Variants in NTM observed in about 807,000 individuals in gnomAD.
NTM encodes the protein IgLON family member 2.
In NTM, 13 loss-of-function variants were observed where a neutral mutation model predicts 42.1. The observed-to-expected ratio is 0.31, with a 90% CI of 0.20 to 0.49. The LOEUF is 0.49. NTM is among the 20% of genes least tolerant of loss of function. NTM has a pLI of 0.99. For missense variants in NTM, 373 were observed against 452.8 expected, an observed-to-expected ratio of 0.82 and a Z score of 1.60; for synonymous variants, 187 against 179.2, an observed-to-expected ratio of 1.04 and a Z score of -0.35.
chr11:132,133,962 A>T (rs552530114), intron 2 of NTM, among the ~76,000 whole-genome samples: 1 of 152,330 alleles, frequency 6.6e-6, no homozygotes, highest in African/African-American at 2.4e-5. Flanking sequence ...TCATCAGACC[A>T]AACCTTTAAA....
chr11:131,463,425 A>G (rs1951594264), intron 1 of NTM, among the ~76,000 whole-genome samples: 1 of 152,090 alleles, frequency 6.6e-6, no homozygotes, highest in South Asian at 2.1e-4. Context: ...CTTGACTGCC[A>G]TTTTCACAGC....
chr11:132,259,936 A>G (rs972467280), intron 4 of NTM, among the ~76,000 whole-genome samples: 2 of 151,848 alleles, frequency 1.3e-5, no homozygotes, highest in African/African-American at 4.8e-5. Context: ...TTTTGTAGAG[A>G]CGGGGTTTCA....
At chr11:131,936,998 A>T (rs78944762) in intron 2 of NTM, among the ~76,000 whole-genome samples, 14,595 of 152,270 alleles carry the variant, frequency 0.096, 752 homozygotes, top group East Asian at 0.21. Flanking sequence ...TCCCAAAGGT[A>T]AGCTTTATCT....
At chr11:131,855,997 T>C (rs150656118) in intron 1 of NTM, among the ~76,000 whole-genome samples, 23 of 152,282 alleles carry the variant, frequency 1.5e-4, no homozygotes, top group African/African-American at 5.5e-4. Flanking sequence ...AGATGGTGAG[T>C]GTCCAATAAA....
intron 1 of NTM, among the ~76,000 whole-genome samples, chr11:131,685,478 C>T (rs2073736227): frequency 6.6e-6 from 1 of 152,220 alleles, no homozygotes; most frequent in Admixed American, 6.5e-5. Context: ...TACTCTGCTG[C>T]AAACACATTG....
intron 2 of NTM, among the ~76,000 whole-genome samples, chr11:132,028,007 C>T (rs933384724): frequency 9.2e-5 from 14 of 151,860 alleles, no homozygotes; most frequent in African/African-American, 3.4e-4. Context: ...GTCTATTGAT[C>T]CATGGCATTC....
At chr11:131,931,013 T>A (rs1051492235) in intron 2 of NTM, among the ~76,000 whole-genome samples, 12 of 152,176 alleles carry the variant, frequency 7.9e-5, no homozygotes, top group Admixed American at 7.9e-4. Context: ...GCAGAAAGGC[T>A]TTGACATCAA....
intron 1 of NTM, among the ~76,000 whole-genome samples, chr11:131,855,067 C>A (rs972498157): frequency 5.9e-5 from 9 of 152,118 alleles, no homozygotes; most frequent in Non-Finnish European, 1.2e-4. Context: ...TGCTGAAATG[C>A]AGCAGAGTCC....
intron 2 of NTM, among the ~76,000 whole-genome samples, chr11:132,047,431 T>G (rs2078173774): frequency 6.6e-6 from 1 of 152,274 alleles, no homozygotes; most frequent in Admixed American, 6.5e-5. Context: ...CCTGAGTATC[T>G]CTCTTGAATA....
At chr11:131,874,030 A>AATATAATATAATATAATATATATAT (rs1491528420) in intron 1 of NTM, among the ~76,000 whole-genome samples, 3 of 76,636 alleles carry the variant, frequency 3.9e-5, no homozygotes, top group African/African-American at 1.1e-4. Context: ...AATATAATAT[A>AATATAATATAATATAATATATATAT]ATATATATAT....
chr11:132,039,713 G>A (rs1222362810), intron 2 of NTM, among the ~76,000 whole-genome samples: 3 of 152,146 alleles, frequency 2.0e-5, no homozygotes, highest in Admixed American at 6.5e-5. Context: ...AACAGAGGCA[G>A]GCACCAAGGC....
chr11:132,325,305 A>G (rs1180670292), intron 7 of NTM, among the ~76,000 whole-genome samples: 2 of 151,202 alleles, frequency 1.3e-5, no homozygotes, highest in African/African-American at 4.8e-5. Context: ...ATCTACAATG[A>G]ACTCAAACAA....
chr11:131,832,780 A>T (rs77516376), intron 1 of NTM, among the ~76,000 whole-genome samples: 5,929 of 152,310 alleles, frequency 0.039, 392 homozygotes, highest in African/African-American at 0.14. Context: ...GTATGTGTAT[A>T]TGTATGTACG....
chr11:131,956,141 C>A (rs2061531081), intron 2 of NTM, among the ~76,000 whole-genome samples: 2 of 152,150 alleles, frequency 1.3e-5, no homozygotes, highest in Non-Finnish European at 2.9e-5. Context: ...TTTACATTAG[C>A]CGCACTATAG....
intron 2 of NTM, among the ~76,000 whole-genome samples, chr11:132,069,507 C>T (rs1163006181): frequency 2.3e-5 from 3 of 130,946 alleles, no homozygotes; most frequent in Non-Finnish European, 4.9e-5. Context: ...CAAGTTAACA[C>T]GTCACACTGA....
intron 1 of NTM, among the ~76,000 whole-genome samples, chr11:131,505,927 G>A (rs1220933116): frequency 6.6e-6 from 1 of 151,994 alleles, no homozygotes; most frequent in East Asian, 1.9e-4. Context: ...GGGATGATTT[G>A]CCCAGATGTA....
At chr11:131,579,675 C>A (rs1469221555) in intron 1 of NTM, among the ~76,000 whole-genome samples, 1 of 152,128 alleles carries the variant, frequency 6.6e-6, no homozygotes, top group East Asian at 1.9e-4. Flanking sequence ...TGCCAAGGAC[C>A]AGAGAATGGA....
At chr11:132,055,142 G>C (rs1425507052) in intron 2 of NTM, among the ~76,000 whole-genome samples, 1 of 152,214 alleles carries the variant, frequency 6.6e-6, no homozygotes, top group Non-Finnish European at 1.5e-5. Context: ...TGGATCATAT[G>C]TGGCTGTTTC....
chr11:132,277,073 C>T (rs1406368601), intron 4 of NTM, among the ~76,000 whole-genome samples: 4 of 152,170 alleles, frequency 2.6e-5, no homozygotes, highest in African/African-American at 9.7e-5. Flanking sequence ...TATGTTTCTA[C>T]ATGGGCAATC....
Sources: allele counts gnomAD v4.1 joint callset (sites outside exome capture counted in the v4.1 genomes callset), GRCh38; gene constraint gnomAD v4.1.1; transcripts MANE v1.5; gene names NCBI Gene and HGNC (gene_info 2026-07-23, HGNC 2026-07-21).